The following H6PD variants were observed in gnomAD, a reference collection of about 807,000 sequenced individuals.
The protein encoded by H6PD is GDH/6PGL endoplasmic bifunctional protein.
Under a neutral mutation model 61.2 loss-of-function variants are expected in H6PD, and 48 were observed. The observed-to-expected ratio is 0.78, with a 90% confidence interval of 0.62 to 1.00. The LOEUF is 1.00. Among genes scored for constraint, H6PD ranks in the 50% least tolerant of loss-of-function variants. H6PD has a pLI of 0.00. For synonymous variants in H6PD, 480 were observed against 457.9 expected (o/e 1.05, Z -0.62); for missense variants, 1,093 against 1,065.0 (o/e 1.03, Z -0.37).
Position 9,263,782 on chromosome 1 carries a change from T to C in H6PD, c.1289T>C (p.Met430Thr). 6.2e-7 allele frequency: 1 copy of C among 1,613,954 alleles called. No individual in the cohort carries two copies. Among genetic ancestry groups the C allele is most frequent in the Non-Finnish European group, 8.5e-7 (1 of 1,180,030 alleles). The stretch of plus-strand genomic sequence containing the variant: ...TCCCTGCCCTCCAGCTGGAAGGAAA[T>C]GGAGGGACCACCTGGGCTCCGCCTT... ...RPSLPSSWKE[M>T]EGPPGLRLFG... The change falls in exon 5 of 5, where the codon ATG (methionine) becomes ACG (threonine). Residue 430 changes from methionine (M) to threonine (T), a missense_variant. Physicochemically the swap from Met to Thr is moderately conservative, Grantham distance 81 (BLOSUM62 -1). Transcript: ENST00000377403.
At position 9,264,607 on chromosome 1, in the gene H6PD, A is replaced by C. The variant is rs1638488119; in HGVS notation, c.2114A>C (p.Gln705Pro). The change falls in exon 5 of 5, where the codon CAG becomes CCG. Residue 705 changes from glutamine to proline, a missense_variant. Physicochemically the swap from Gln to Pro is moderately conservative, Grantham distance 76 (BLOSUM62 -1). Transcript: ENST00000377403. ...ADGHTASLFP[Q>P]SPTGLDGEQL... is the part of the protein sequence containing the mutation. ...GGGCACACAGCCTCCCTCTTCCCAC[A>C]GTCACCCACTGGCCTGGATGGCGAG... The C allele has an allele frequency of 1.2e-6, 2 of 1,613,148 alleles. No homozygotes were observed. The highest frequency in any genetic ancestry group is 1.7e-6 in the Non-Finnish European group (2 of 1,179,924).
chr1:9,261,510 C>T (rs1427679042), intron 3 of H6PD, among the ~76,000 whole-genome samples: 3 of 152,228 alleles, frequency 2.0e-5, no homozygotes, highest in African/African-American at 7.2e-5. Context: ...TCCCACTTTC[C>T]CTCCCTCCCA....
At position 9,245,258 on chromosome 1, in the gene H6PD, C is replaced by G. The variant is rs1641131738; in HGVS notation, c.324C>G (p.Tyr108Ter). The G allele has an allele frequency of 1.9e-6, 3 of 1,614,168 alleles. No individual in the cohort carries two copies. The highest frequency in any genetic ancestry group is 1.7e-6 in the Non-Finnish European group (2 of 1,179,984). ...ATCAGTTCCTGCAGCTGAGCCAGTACCGCCAACTGAAGACGGCCGAGGACT... is the reference window on the plus strand; with the variant it reads ...ATCAGTTCCTGCAGCTGAGCCAGTAGCGCCAACTGAAGACGGCCGAGGACT... ...HKDQFLQLSQ[Y>*]RQLKTAEDYQ... Residue 108 changes from tyrosine (Y) to a stop codon, truncating the protein, a stop_gained, in exon 2 of 5, where the codon TAC becomes TAG. Coordinates refer to ENST00000377403, the MANE Select transcript of H6PD (RefSeq NM_004285.4). LOFTEE classifies it high-confidence loss of function. The surrounding 1 kb of genome is among the most constrained non-coding windows in gnomAD (Gnocchi z 4.8).
At chr1:9,247,955 G>A (rs9434732) in intron 3 of H6PD, among the ~76,000 whole-genome samples, 1 of 152,100 alleles carries the variant, frequency 6.6e-6, no homozygotes, top group Non-Finnish European at 1.5e-5. Flanking sequence ...GTCCCCAGCC[G>A]CCAGGTGAGG....
chr1:9,252,194 A>G (rs1641387401), intron 3 of H6PD, among the ~76,000 whole-genome samples: 1 of 152,036 alleles, frequency 6.6e-6, no homozygotes, highest in South Asian at 2.1e-4. Context: ...CCTGTAATTG[A>G]TCTGTCATAC....
chr1:9,237,946 C>T (rs1640897016), intron 1 of H6PD, among the ~76,000 whole-genome samples: 1 of 152,164 alleles, frequency 6.6e-6, no homozygotes, highest in Non-Finnish European at 1.5e-5. Flanking sequence ...TCCCTGTCCT[C>T]ATTGGCACGC....
Position 9,267,939 on chromosome 1 carries a change from A to T in H6PD, c.*3070A>T, listed in dbSNP as rs1402733603. The T allele has an allele frequency of 6.6e-6, 1 of 152,184 alleles. No individual in the cohort carries two copies. Among genetic ancestry groups the T allele is most frequent in the African/African-American group, 2.4e-5 (1 of 41,432 alleles). 9.4% of individuals were successfully genotyped at this position (152,184 alleles called of 1,614,324 possible). On this transcript the variant is annotated 3_prime_UTR_variant, in exon 5 of 5. Transcript: ENST00000377403. ...ATGTTTTAGTTTTCATTTTTTTAAAATGCTTCTTAAAATTCACTAAATTGG... is the reference window on the plus strand; with the variant it reads ...ATGTTTTAGTTTTCATTTTTTTAAATTGCTTCTTAAAATTCACTAAATTGG...
At chr1:9,242,797 C>T (rs1286719326) in intron 1 of H6PD, 1 of 985,358 alleles carries the variant, frequency 1.0e-6, no homozygotes, top group African/African-American at 1.7e-5. Flanking sequence ...CTGGCGGCTC[C>T]TCCTTCTCCA....
intron 1 of H6PD, among the ~76,000 whole-genome samples, chr1:9,236,931 A>G (rs1398869384): frequency 6.6e-6 from 1 of 152,208 alleles, no homozygotes; most frequent in Non-Finnish European, 1.5e-5. Context: ...AGGCTTATAC[A>G]TGATGTCTTC....
intron 1 of H6PD, chr1:9,242,756 C>T (rs905997485): frequency 5.1e-6 from 5 of 985,462 alleles, no homozygotes; most frequent in Non-Finnish European, 6.0e-6. Context: ...TACCAGGATC[C>T]GATCAGCAGC....
rs757440980 is a variant in H6PD, at chr1:9,264,874, G to A, written c.*5G>A. ...TACGACGCCTTCCTGGGATGAGGGCGCCTGTGCCCCTTGCCCGCTTCGCTC... is the reference window on the plus strand; with the variant it reads ...TACGACGCCTTCCTGGGATGAGGGCACCTGTGCCCCTTGCCCGCTTCGCTC... On this transcript the variant is annotated 3_prime_UTR_variant, in exon 5 of 5. Transcript: ENST00000377403. The A allele has an allele frequency of 3.4e-5, 54 of 1,610,750 alleles. 1 individual carries two copies. Among genetic ancestry groups the A allele is most frequent in the Middle Eastern group, 2.1e-4 (1 of 4,776 alleles).
rs1382659301 is a variant in H6PD, at chr1:9,254,755, C to A, written c.746-7304C>A. Among the ~76,000 whole-genome samples, 1 of 152,232 alleles carries A rather than the reference C, an allele frequency of 6.6e-6. No homozygotes were observed. Among genetic ancestry groups the A allele is most frequent in the African/African-American group, 2.4e-5 (1 of 41,456 alleles). Reference sequence around the variant, plus strand: ...ACTTTACCCAGTTAAGGTGGACAGGCCAGTGAGCTTTCGTGTATTCACAGA... The same window carrying A: ...ACTTTACCCAGTTAAGGTGGACAGGACAGTGAGCTTTCGTGTATTCACAGA... On this transcript the variant is annotated intron_variant, in intron 3 of 4. Transcript: ENST00000377403. The surrounding 1 kb of genome is among the most constrained non-coding windows in gnomAD (Gnocchi z 4.6).
chr1:9,241,642 C>T (rs112405343), intron 1 of H6PD, among the ~76,000 whole-genome samples: 1 of 152,210 alleles, frequency 6.6e-6, no homozygotes, highest in Non-Finnish European at 1.5e-5. Context: ...TCAAGTGATC[C>T]TCCTGCCTTG....
intron 3 of H6PD, among the ~76,000 whole-genome samples, chr1:9,259,409 TACA>T (rs1342459148): frequency 2.0e-5 from 3 of 152,092 alleles, no homozygotes; most frequent in Admixed American, 6.5e-5. Flanking sequence ...GTGGTGGTGT[TACA>T]ACAACTTGTT....
Position 9,262,997 on chromosome 1 carries a change from C to G in H6PD, c.1016-512C>G, listed in dbSNP as rs546642432. ...TACTGTCAGCCCCTGGCTCTTGCCA[C>G]CAGGCCTTGTCCCTCCTTGCCAACA... On this transcript the variant is annotated intron_variant, in intron 4 of 4. Transcript: ENST00000377403. Among the ~76,000 whole-genome samples the G allele has an allele frequency of 2.0e-4, 31 of 152,312 alleles. 1 individual carries two copies. The South Asian group carries it at 6.2e-3, about 31-fold the overall frequency.
rs1249067142 is a variant in H6PD, at chr1:9,263,652, G to A, written c.1159G>A (p.Ala387Thr). ...CTGTGTGCAGAGCGAAAAGCACTGGGCCGCGGCGCAGAGCCAGTGCCTGCC... is the reference window on the plus strand; with the variant it reads ...CTGTGTGCAGAGCGAAAAGCACTGGACCGCGGCGCAGAGCCAGTGCCTGCC... The part of the protein sequence containing the change: ...ACCVQSEKHW[A>T]AAQSQCLPRQ... The change falls in exon 5 of 5, where the codon GCC becomes ACC. Residue 387 changes from alanine to threonine, a missense_variant. By Grantham distance (58) the Ala-to-Thr change is moderately conservative. Transcript: ENST00000377403. The A allele has an allele frequency of 6.2e-7, 1 of 1,614,052 alleles. No individual in the cohort carries two copies. Among genetic ancestry groups the A allele is most frequent in the African/African-American group, 1.3e-5 (1 of 74,942 alleles).
chr1:9,246,132 T>G (rs1355499074), intron 2 of H6PD, among the ~76,000 whole-genome samples: 1 of 152,104 alleles, frequency 6.6e-6, no homozygotes, highest in South Asian at 2.1e-4. Context: ...TTAGTAGAAA[T>G]GGGTTTTCAC....
chr1:9,241,837 ACAGTTTCCTTCACCTCC>A (rs1641007562), intron 1 of H6PD, among the ~76,000 whole-genome samples: 1 of 152,092 alleles, frequency 6.6e-6, no homozygotes, highest in African/African-American at 2.4e-5. Flanking sequence ...TTGTGGCTTG[ACAGTTTCCTTCACCTCC>A]CAGTTTCCTC....
intron 1 of H6PD, chr1:9,242,939 G>T (rs550798329): frequency 1.5e-4 from 147 of 985,488 alleles, no homozygotes; most frequent in Admixed American, 1.2e-3. Flanking sequence ...GGACTGGAAA[G>T]CAGGAGGAAA....
Sources: gnomAD v4.1 joint callset for allele counts (sites outside exome capture counted in the v4.1 genomes callset) on GRCh38, gnomAD v4.1.1 for gene constraint, Gnocchi (gnomAD v3.1) non-coding constraint, MANE v1.5 for transcripts, NCBI Gene and HGNC (gene_info 2026-07-23, HGNC 2026-07-21) for gene names.